Variants in RTL8B observed in about 807,000 individuals in gnomAD.
RTL8B encodes retrotransposon Gag-like protein 8B.
A neutral mutation model predicts 4.4 loss-of-function variants in RTL8B; 5 were observed. The observed-to-expected ratio is 1.13, with a 90% CI of 0.59 to 2.37. The LOEUF (loss-of-function observed/expected upper bound fraction) is 2.37, where lower values mean the gene tolerates loss of function less well. Among genes scored for constraint, RTL8B ranks in the 30% most tolerant of loss-of-function variants. The pLI is 0.01. For synonymous variants in RTL8B, 31 were observed against 44.2 expected (o/e 0.70, Z 1.19); for missense variants, 82 against 99.2 (o/e 0.83, Z 0.74).
Position 135,020,773 on chromosome X carries a change from AAATT to A in RTL8B, c.*1341_*1344del, listed in dbSNP as rs1208523345. The A allele has an allele frequency of 1.8e-5, 2 of 112,164 alleles. No homozygotes were observed. Among genetic ancestry groups the A allele is most frequent in the Non-Finnish European group, 3.8e-5 (2 of 53,249 alleles). The allele number at this position is 112,164 out of a possible 1,213,427, so 9.2% of individuals were successfully genotyped here. ...CTGGTCATCAACCAGGTTTGTATCT[AAATT>A]AATGATCTCATTTCTGCATTTCCCC... On this transcript the variant is annotated 3_prime_UTR_variant, in exon 1 of 1. Coordinates refer to ENST00000391440, the MANE Select transcript of RTL8B (RefSeq NM_001078173.2).
chrX:135,021,974 G>T lies in RTL8B; in HGVS notation c.*144C>A. 1 of 1,159,156 alleles carries T rather than the reference G, an allele frequency of 8.6e-7. No homozygotes were observed. Among genetic ancestry groups the T allele is most frequent in the Non-Finnish European group, 1.1e-6 (1 of 869,580 alleles). On this transcript the variant is annotated 3_prime_UTR_variant, in exon 1 of 1. Transcript: ENST00000391440. ...GAACAAAGGCAAGCACTACGCGGGA[G>T]GGGACAGGAGCGCAGGGGACATCGT... is the stretch of plus-strand genomic sequence containing the variant.
chrX:135,021,868 G>T lies in RTL8B; in HGVS notation c.*250C>A. The T allele has an allele frequency of 8.7e-7, 1 of 1,151,843 alleles. No homozygotes were observed. The highest frequency in any genetic ancestry group is 3.3e-5 in the East Asian group (1 of 29,899). The allele number at this position is 1,151,843 out of a possible 1,213,427, so 94.9% of individuals were successfully genotyped here. ...CGTCCAAATGTGCATGGGAGGGGCT[G>T]AGCTGGCACGAGAGGGCGGAGGCAG... is the stretch of plus-strand genomic sequence containing the variant. On this transcript the variant is annotated 3_prime_UTR_variant, in exon 1 of 1. Transcript: ENST00000391440.
chrX:135,020,912 A>G lies in RTL8B; in HGVS notation c.*1206T>C, dbSNP rs1389301074. 1.8e-5 allele frequency: 2 copies of G among 112,246 alleles called. No homozygotes were observed. Among genetic ancestry groups the G allele is most frequent in the African/African-American group, 6.5e-5 (2 of 30,849 alleles). 9.3% of individuals were successfully genotyped at this position (112,246 alleles called of 1,213,427 possible). A position where few individuals can be genotyped will look rare whatever the true frequency, so the allele number is the denominator to read the frequency against. On this transcript the variant is annotated 3_prime_UTR_variant, in exon 1 of 1. Coordinates refer to ENST00000391440, the MANE Select transcript of RTL8B (RefSeq NM_001078173.2). ...TAAAATTTTACAGCTGTTCACCAATAATCTGTGTGGGATTTATGGTTTGTA... is the reference window on the plus strand; with the variant it reads ...TAAAATTTTACAGCTGTTCACCAATGATCTGTGTGGGATTTATGGTTTGTA...
rs769290973 is a variant in RTL8B, at chrX:135,020,646, TAAC to T, written c.*1469_*1471del. On this transcript the variant is annotated 3_prime_UTR_variant, in exon 1 of 1. Transcript: ENST00000391440. Reference sequence around the variant, plus strand: ...CATTTCCCTTATTGTGCATGGAAAATAACAAAAAATTTTTTTACCCAAGCTTAT... The same window carrying T: ...CATTTCCCTTATTGTGCATGGAAAATAAAAAATTTTTTTACCCAAGCTTAT... 9.0e-6 allele frequency: 1 copy of T among 111,422 alleles called. No homozygotes were observed. The allele number at this position is 111,422 out of a possible 1,213,427, so 9.2% of individuals were successfully genotyped here. A position where few individuals can be genotyped will look rare whatever the true frequency, so the allele number is the denominator to read the frequency against.
rs957045986 is a variant in RTL8B at position 135,022,382 on chromosome X, C to A, written c.78G>T (p.Pro26=). The change falls in exon 1 of 1, where the codon CCG becomes CCT. Residue 26 remains proline (P), a synonymous_variant. Transcript: ENST00000391440. The part of the protein sequence containing the change: ...LRPAARRWRN[P]IPFPETFDGD... ...CATCAAACGTCTCGGGAAAGGGAATCGGGTTCCTCCAGCGACGCGCCGCGG... is the reference window on the plus strand; with the variant it reads ...CATCAAACGTCTCGGGAAAGGGAATAGGGTTCCTCCAGCGACGCGCCGCGG... 1.7e-6 allele frequency: 2 copies of A among 1,210,881 alleles called. No individual in the cohort carries two copies. Among genetic ancestry groups the A allele is most frequent in the Non-Finnish European group, 1.1e-6 (1 of 895,344 alleles).
In RTL8B at chrX:135,022,456, C is replaced by T; in HGVS notation, c.4G>A (p.Glu2Lys). 2.5e-6 allele frequency: 3 copies of T among 1,209,348 alleles called. No individual in the cohort carries two copies. Among genetic ancestry groups the T allele is most frequent in the Non-Finnish European group, 3.4e-6 (3 of 894,102 alleles). MEGRVQLMKALL... is the reference protein window; with the variant it reads MKGRVQLMKALL... Reference sequence around the variant, plus strand: ...GCCTTCATCAGCTGCACTCGACCTTCCATCGCGCCGCGCTGGCTCCGCTGA... The same window carrying T: ...GCCTTCATCAGCTGCACTCGACCTTTCATCGCGCCGCGCTGGCTCCGCTGA... Residue 2 changes from glutamate (E) to lysine (K), a missense_variant, in exon 1 of 1, where the codon GAA (glutamate) becomes AAA (lysine). Glu to Lys is a moderately conservative substitution (Grantham distance 56, BLOSUM62 1). Coordinates refer to ENST00000391440, the MANE Select transcript of RTL8B (RefSeq NM_001078173.2).
rs1324929747 is a variant in RTL8B at position 135,020,694 on chromosome X, T to C, written c.*1424A>G. On this transcript the variant is annotated 3_prime_UTR_variant, in exon 1 of 1. Transcript: ENST00000391440. ...GCTTATGAAATGTACCAGGATCACATGTAATTGAATAAAATGATACCAAAT... is the reference window on the plus strand; with the variant it reads ...GCTTATGAAATGTACCAGGATCACACGTAATTGAATAAAATGATACCAAAT... 8.9e-6 allele frequency: 1 copy of C among 112,054 alleles called. No homozygotes were observed. Among genetic ancestry groups the C allele is most frequent in the Non-Finnish European group, 1.9e-5 (1 of 53,273 alleles). 9.2% of individuals were successfully genotyped at this position (112,054 alleles called of 1,213,427 possible).
In RTL8B at chrX:135,021,756, G is replaced by C; in HGVS notation, c.*362C>G. 3.8e-6 allele frequency: 4 copies of C among 1,049,145 alleles called. No individual in the cohort carries two copies. Among genetic ancestry groups the C allele is most frequent in the Non-Finnish European group, 5.0e-6 (4 of 798,007 alleles). The allele number at this position is 1,049,145 out of a possible 1,213,427, so 86.5% of individuals were successfully genotyped here. A position where few individuals can be genotyped will look rare whatever the true frequency, so the allele number is the denominator to read the frequency against. On this transcript the variant is annotated 3_prime_UTR_variant, in exon 1 of 1. Transcript: ENST00000391440. Reference sequence around the variant, plus strand: ...ATGTAGTCGTCTGGAAGTCTGGTGAGGAGGAGGGGGGTTGGCAGCGGCGGC... The same window carrying C: ...ATGTAGTCGTCTGGAAGTCTGGTGACGAGGAGGGGGGTTGGCAGCGGCGGC...
In RTL8B at chrX:135,022,499, T is replaced by C. The variant is rs745869070; in HGVS notation, c.-40A>G. ...TCCGCTGAGTTTAGCTGAGCTGCGC[T>C]GGGCTTCGCCGGGGGCTGCACCGAG... On this transcript the variant is annotated 5_prime_UTR_variant, in exon 1 of 1. Transcript: ENST00000391440. 1.3e-4 allele frequency: 155 copies of C among 1,190,197 alleles called. No homozygotes were observed. In the East Asian group the frequency reaches 4.3e-3, roughly 33 times the overall value.
At position 135,021,252 on chromosome X, in the gene RTL8B, A is replaced by G. The variant is rs2083265703; in HGVS notation, c.*866T>C. The G allele has an allele frequency of 4.3e-6, 1 of 233,862 alleles. No individual in the cohort carries two copies. Among genetic ancestry groups the G allele is most frequent in the African/African-American group, 2.8e-5 (1 of 35,187 alleles). 19.3% of individuals were successfully genotyped at this position (233,862 alleles called of 1,213,427 possible). Reference sequence around the variant, plus strand: ...ATGGACCACATTTACAGGACCAGGGAGGGAAAGGTGCCATATTCATTCAGA... The same window carrying G: ...ATGGACCACATTTACAGGACCAGGGGGGGAAAGGTGCCATATTCATTCAGA... On this transcript the variant is annotated 3_prime_UTR_variant, in exon 1 of 1. Coordinates refer to ENST00000391440, the MANE Select transcript of RTL8B (RefSeq NM_001078173.2).
In RTL8B at chrX:135,021,466, A is replaced by G. The variant is rs1339367342; in HGVS notation, c.*652T>C. On this transcript the variant is annotated 3_prime_UTR_variant, in exon 1 of 1. Transcript: ENST00000391440. ...ACTAACTGGTCCACAAGAGAAAATG[A>G]GAGACTCGATTTGGCTGCCAGGCAC... 3.2e-6 allele frequency: 1 copy of G among 310,919 alleles called. No homozygotes were observed. Among genetic ancestry groups the G allele is most frequent in the Non-Finnish European group, 6.3e-6 (1 of 158,712 alleles). The allele number at this position is 310,919 out of a possible 1,213,427, so 25.6% of individuals were successfully genotyped here. A position where few individuals can be genotyped will look rare whatever the true frequency, so the allele number is the denominator to read the frequency against.
Position 135,022,343 on chromosome X carries a change from C to T in RTL8B, c.117G>A (p.Arg39=), listed in dbSNP as rs1263966327. The change falls in exon 1 of 1, where the codon CGG becomes CGA. Residue 39 remains arginine, a synonymous_variant. Coordinates refer to ENST00000391440, the MANE Select transcript of RTL8B (RefSeq NM_001078173.2). ...TCGTCTGCACGATGAACTCCGGGAG[C>T]CGGTCGGTATCGCCATCAAACGTCT... is the stretch of plus-strand genomic sequence containing the variant. The part of the protein sequence containing the change: ...FPETFDGDTD[R]LPEFIVQTSS... 23 of 1,210,474 alleles carry T rather than the reference C, an allele frequency of 1.9e-5. No individual in the cohort carries two copies. Among genetic ancestry groups the T allele is most frequent in the African/African-American group, 5.2e-5 (3 of 57,320 alleles).
rs768220884 is a variant in RTL8B, at chrX:135,022,377, G to A, written c.83C>T (p.Pro28Leu). 2 of 1,212,340 alleles carry A rather than the reference G, an allele frequency of 1.6e-6. No homozygotes were observed. The highest frequency in any genetic ancestry group is 3.5e-5 in the South Asian group (2 of 57,026). Residue 28 changes from proline to leucine, a missense_variant, in exon 1 of 1, where the codon CCC becomes CTC. Pro to Leu is a moderately conservative substitution (Grantham distance 98). Transcript: ENST00000391440. ...ATCGCCATCAAACGTCTCGGGAAAG[G>A]GAATCGGGTTCCTCCAGCGACGCGC... Reference protein sequence around the residue: ...PAARRWRNPIPFPETFDGDTD... With the variant: ...PAARRWRNPILFPETFDGDTD...
rs1289078134 is a variant in RTL8B at position 135,021,207 on chromosome X, A to G, written c.*911T>C. The G allele has an allele frequency of 1.9e-5, 4 of 207,433 alleles. No homozygotes were observed. Among genetic ancestry groups the G allele is most frequent in the Non-Finnish European group, 2.7e-5 (3 of 112,667 alleles). The allele number at this position is 207,433 out of a possible 1,213,427, so 17.1% of individuals were successfully genotyped here. On this transcript the variant is annotated 3_prime_UTR_variant, in exon 1 of 1. Transcript: ENST00000391440. ...AACATCAGTCACTGAATGGCAGGGGATATCGCTTCTGAACAAGATATGGAC... is the reference window on the plus strand; with the variant it reads ...AACATCAGTCACTGAATGGCAGGGGGTATCGCTTCTGAACAAGATATGGAC...
rs2083271132 is a variant in RTL8B at position 135,022,443 on chromosome X, T to G, written c.17A>C (p.Gln6Pro). The change falls in exon 1 of 1, where the codon CAG becomes CCG. Residue 6 changes from glutamine (Q) to proline (P), a missense_variant. Gln to Pro is a moderately conservative substitution (Grantham distance 76, BLOSUM62 -1). Coordinates refer to ENST00000391440, the MANE Select transcript of RTL8B (RefSeq NM_001078173.2). ...CCGAGCCAGGAGGGCCTTCATCAGC[T>G]GCACTCGACCTTCCATCGCGCCGCG... The part of the protein sequence containing the change: MEGRV[Q>P]LMKALLARPL... 4 of 1,210,735 alleles carry G rather than the reference T, an allele frequency of 3.3e-6. No individual in the cohort carries two copies. Among genetic ancestry groups the G allele is most frequent in the Non-Finnish European group, 4.5e-6 (4 of 894,807 alleles).
Position 135,020,880 on chromosome X carries a change from G to A in RTL8B, c.*1238C>T, listed in dbSNP as rs1363310321. On this transcript the variant is annotated 3_prime_UTR_variant, in exon 1 of 1. Coordinates refer to ENST00000391440, the MANE Select transcript of RTL8B (RefSeq NM_001078173.2). Reference sequence around the variant, plus strand: ...AATTCTGTTGGTTCCCTGAATCATGGGTTGAGTAAAATTTTACAGCTGTTC... The same window carrying A: ...AATTCTGTTGGTTCCCTGAATCATGAGTTGAGTAAAATTTTACAGCTGTTC... The A allele has an allele frequency of 2.7e-5, 3 of 112,095 alleles. No individual in the cohort carries two copies. The highest frequency in any genetic ancestry group is 5.6e-5 in the Non-Finnish European group (3 of 53,225). The allele number at this position is 112,095 out of a possible 1,213,427, so 9.2% of individuals were successfully genotyped here. A position where few individuals can be genotyped will look rare whatever the true frequency, so the allele number is the denominator to read the frequency against.
rs1300696451 is a variant in RTL8B, at chrX:135,021,411, A to T, written c.*707T>A. 2 of 267,010 alleles carry T rather than the reference A, an allele frequency of 7.5e-6. No homozygotes were observed. Among genetic ancestry groups the T allele is most frequent in the Non-Finnish European group, 1.4e-5 (2 of 138,173 alleles). The allele number at this position is 267,010 out of a possible 1,213,427, so 22.0% of individuals were successfully genotyped here. ...AAAAAGCACCTGAGAAAATGCTGCA[A>T]ATTCAGAAGAGAAATGGATTCTGGG... On this transcript the variant is annotated 3_prime_UTR_variant, in exon 1 of 1. Coordinates refer to ENST00000391440, the MANE Select transcript of RTL8B (RefSeq NM_001078173.2).
At position 135,022,280 on chromosome X, in the gene RTL8B, G is replaced by A; in HGVS notation, c.180C>T (p.Asn60=). 1.7e-6 allele frequency: 2 copies of A among 1,212,099 alleles called. No individual in the cohort carries two copies. The highest frequency in any genetic ancestry group is 3.0e-5 in the East Asian group (1 of 33,840). Residue 60 remains asparagine (N), a synonymous_variant, in exon 1 of 1, where the codon AAC becomes AAT. Coordinates refer to ENST00000391440, the MANE Select transcript of RTL8B (RefSeq NM_001078173.2). ...YMFVDENTFS[N]DALKVTFLIT... Reference sequence around the variant, plus strand: ...TGAGGAACGTCACCTTCAGGGCGTCGTTGGAGAACGTGTTCTCGTCCACGA... The same window carrying A: ...TGAGGAACGTCACCTTCAGGGCGTCATTGGAGAACGTGTTCTCGTCCACGA...
Position 135,022,398 on chromosome X carries a change from C to T in RTL8B, c.62G>A (p.Arg21His). ...LLARPLRPAA[R>H]RWRNPIPFPE... Reference sequence around the variant, plus strand: ...AAAGGGAATCGGGTTCCTCCAGCGACGCGCCGCGGGCCGGAGGGGCCGAGC... The same window carrying T: ...AAAGGGAATCGGGTTCCTCCAGCGATGCGCCGCGGGCCGGAGGGGCCGAGC... The change falls in exon 1 of 1, where the codon CGT becomes CAT. Residue 21 changes from arginine to histidine, a missense_variant. Arg to His is a conservative substitution (Grantham distance 29). Coordinates refer to ENST00000391440, the MANE Select transcript of RTL8B (RefSeq NM_001078173.2). 1 of 1,212,296 alleles carries T rather than the reference C, an allele frequency of 8.2e-7. No homozygotes were observed. The highest frequency in any genetic ancestry group is 1.8e-5 in the South Asian group (1 of 57,023).
Sources: allele counts gnomAD v4.1 joint callset, GRCh38; gene constraint gnomAD v4.1.1; transcripts MANE v1.5; gene names NCBI Gene and HGNC (gene_info 2026-07-23, HGNC 2026-07-21).